NALCN: variants seen among roughly 807,000 people sequenced by gnomAD.
NALCN encodes sodium leak channel NALCN.
NALCN carries 111 observed loss-of-function variants against 225.3 expected under a neutral mutation model. The ratio of observed to expected loss-of-function variants is 0.49; its 90% CI spans 0.42 to 0.58. The LOEUF (loss-of-function observed/expected upper bound fraction) is 0.58, where lower values mean the gene tolerates loss of function less well. Among genes scored for constraint, NALCN ranks in the 20% least tolerant of loss-of-function variants. The pLI, the probability that NALCN is intolerant of heterozygous loss-of-function variation, is 0.00. For synonymous variants in NALCN, 764 were observed against 769.0 expected (o/e 0.99, Z 0.11); for missense variants, 1,378 against 2,202.4 (o/e 0.63, Z 7.49).
chr13:101,142,966 A>T (rs673213), intron 17 of NALCN, 114 bp downstream of exon 17: 1 of 1,325,792 alleles, frequency 7.5e-7, no homozygotes, highest in South Asian at 1.2e-5. Context: ...AAATCATTTT[A>T]TTTTCATTAT....
At chr13:101,184,714 A>G (rs1377760547) in intron 14 of NALCN, among the ~76,000 whole-genome samples, 1 of 152,186 alleles carries the variant, frequency 6.6e-6, no homozygotes, top group African/African-American at 2.4e-5. Flanking sequence ...GCTGAAAAGT[A>G]TGATTTATTT....
chr13:101,097,323 C>CT (rs2034564173), intron 27 of NALCN, among the ~76,000 whole-genome samples: 1 of 152,142 alleles, frequency 6.6e-6, no homozygotes, highest in Non-Finnish European at 1.5e-5. Context: ...CCATCGCCCA[C>CT]TTTTTTCAGC....
intron 11 of NALCN, among the ~76,000 whole-genome samples, chr13:101,245,035 A>G (rs2041853635): frequency 6.6e-6 from 1 of 152,156 alleles, no homozygotes; most frequent in Non-Finnish European, 1.5e-5. Flanking sequence ...CAGGTGTCCA[A>G]TCTCAAGGCT....
intron 15 of NALCN, 65 bp downstream of exon 15, chr13:101,176,235 A>C: frequency 8.1e-7 from 1 of 1,237,822 alleles, no homozygotes. Flanking sequence ...AATATTGCCT[A>C]TAAGCAAATG....
At chr13:101,156,531 G>GTATATATATATATA (rs137879353) in intron 15 of NALCN, among the ~76,000 whole-genome samples, 5 of 149,042 alleles carry the variant, frequency 3.4e-5, no homozygotes, top group African/African-American at 1.2e-4. Context: ...ATGTATGCAG[G>GTATATATATATATA]TATATATATA....
At chr13:101,152,469 G>A (rs1278007665) in intron 15 of NALCN, among the ~76,000 whole-genome samples, 1 of 152,114 alleles carries the variant, frequency 6.6e-6, no homozygotes, top group Non-Finnish European at 1.5e-5. Flanking sequence ...CTTTCATGCT[G>A]TTATCACAAC....
intron 14 of NALCN, among the ~76,000 whole-genome samples, chr13:101,179,360 GC>G (rs1188425962): frequency 6.6e-6 from 1 of 152,094 alleles, no homozygotes; most frequent in African/African-American, 2.4e-5. Flanking sequence ...ATGTAGTATA[GC>G]TATACAATGT....
At chr13:101,328,721 A>G (rs1407845551) in intron 7 of NALCN, among the ~76,000 whole-genome samples, 1 of 152,184 alleles carries the variant, frequency 6.6e-6, no homozygotes, top group Non-Finnish European at 1.5e-5. Flanking sequence ...AGGTGTGAGG[A>G]TGAGAATAGT....
chr13:101,062,132 C>T lies in NALCN; in HGVS notation c.4605-14G>A. The stretch of plus-strand genomic sequence containing the variant: ...TATGAAAGCATGCTGGTGGGAGAAA[C>T]ACACCTGCAATCGCAGCTCTGATTC... On this transcript the variant is annotated splice_polypyrimidine_tract_variant and intron_variant, in intron 40 of 43. Coordinates refer to ENST00000251127, the MANE Select transcript of NALCN (RefSeq NM_052867.4). The T allele has an allele frequency of 6.2e-7, 1 of 1,613,430 alleles. No homozygotes were observed.
intron 15 of NALCN, among the ~76,000 whole-genome samples, chr13:101,163,986 C>G (rs1364057643): frequency 6.6e-6 from 1 of 152,094 alleles, no homozygotes; most frequent in Non-Finnish European, 1.5e-5. Flanking sequence ...TTCATCATCA[C>G]ACAGTGCTCT....
intron 10 of NALCN, among the ~76,000 whole-genome samples, chr13:101,266,870 A>G (rs1202474845): frequency 6.6e-6 from 1 of 152,240 alleles, no homozygotes; most frequent in Non-Finnish European, 1.5e-5. Context: ...TCTACTATCA[A>G]TGTACACAAT....
intron 14 of NALCN, among the ~76,000 whole-genome samples, chr13:101,190,529 T>C (rs1242129556): frequency 6.6e-6 from 1 of 152,206 alleles, no homozygotes; most frequent in Non-Finnish European, 1.5e-5. Context: ...TATTGCACAA[T>C]GTTCCTATCT....
intron 17 of NALCN, among the ~76,000 whole-genome samples, chr13:101,141,781 G>A (rs1285690055): frequency 6.6e-6 from 1 of 152,086 alleles, no homozygotes; most frequent in Non-Finnish European, 1.5e-5. Context: ...AGATCCTGGA[G>A]GATGAAACAG....
intron 42 of NALCN, 111 bp from the exon 43 acceptor site, chr13:101,058,167 G>T: frequency 1.1e-6 from 1 of 876,320 alleles, no homozygotes; most frequent in South Asian, 1.7e-5. Flanking sequence ...AGAACAACAT[G>T]GACTCAGAGT....
At chr13:101,191,779 G>C (rs1419869552) in intron 14 of NALCN, 138 bp downstream of exon 14, 1 of 743,972 alleles carries the variant, frequency 1.3e-6, no homozygotes, top group Non-Finnish European at 2.1e-6. Flanking sequence ...AGAATGGAAG[G>C]AGGGATCTCA....
chr13:101,087,798 A>T (rs192519430), intron 30 of NALCN, among the ~76,000 whole-genome samples: 237 of 152,268 alleles, frequency 1.6e-3, no homozygotes, highest in Middle Eastern at 6.8e-3. Flanking sequence ...CAGTTACTGA[A>T]CATTTTATGT....
chr13:101,269,701 T>G (rs765729041), intron 10 of NALCN, among the ~76,000 whole-genome samples: 1 of 152,178 alleles, frequency 6.6e-6, no homozygotes, highest in Non-Finnish European at 1.5e-5. Context: ...CATTCTGCTT[T>G]GGGCACAAGA....
intron 10 of NALCN, among the ~76,000 whole-genome samples, chr13:101,261,687 GT>G (rs1312428027): frequency 2.0e-5 from 3 of 152,152 alleles, no homozygotes; most frequent in Admixed American, 2.0e-4. Flanking sequence ...ATTTTTGTAT[GT>G]TGATTTTGTA....
chr13:101,111,235 A>C lies in NALCN; in HGVS notation c.2193-9T>G, dbSNP rs367983664. ...GCTGTCGGGTGCAAGCTCTAGGAAA[A>C]AAAAAGGAGCCCAAGATAAATGCAT... On this transcript the variant is annotated splice_polypyrimidine_tract_variant and intron_variant, in intron 18 of 43. Transcript: ENST00000251127. 9.6e-5 allele frequency: 151 copies of C among 1,579,136 alleles called. No individual in the cohort carries two copies. The African/African-American group carries it at 1.7e-3, about 18-fold the overall frequency.
Sources: gnomAD v4.1 joint callset for allele counts (sites outside exome capture counted in the v4.1 genomes callset) on GRCh38, gnomAD v4.1.1 for gene constraint, MANE v1.5 for transcripts, NCBI Gene and HGNC (gene_info 2026-07-23, HGNC 2026-07-21) for gene names.